Variants in SLC23A2 observed in about 807,000 individuals in gnomAD.
SLC23A2 encodes solute carrier family 23 member 2.
Under a neutral mutation model 73.3 loss-of-function variants are expected in SLC23A2, and 36 were observed. The ratio of observed to expected loss-of-function variants is 0.49; its 90% CI spans 0.38 to 0.65. SLC23A2 has a LOEUF of 0.65. SLC23A2 is among the 30% of genes least tolerant of loss of function. The pLI, the probability that SLC23A2 is intolerant of heterozygous loss-of-function variation, is 0.00. For missense variants in SLC23A2, 507 were observed against 841.6 expected (o/e 0.60, Z 4.92); for synonymous variants, 343 against 327.3 (o/e 1.05, Z -0.52).
At chr20:4,985,473 G>A (rs150422380) in intron 1 of SLC23A2, among the ~76,000 whole-genome samples, 5,647 of 150,808 alleles carry the variant, frequency 0.037, 344 homozygotes, top group African/African-American at 0.13. Context: ...TTTGAGACAG[G>A]GTCTCGCTCT....
At chr20:4,956,191 TTC>T (rs1320448198) in intron 2 of SLC23A2, among the ~76,000 whole-genome samples, 1 of 152,266 alleles carries the variant, frequency 6.6e-6, no homozygotes, top group Non-Finnish European at 1.5e-5. Flanking sequence ...AAATGTGTTT[TTC>T]TTTTAATTCC....
In SLC23A2 at chr20:4,986,689, C is replaced by CAGAG. The variant is rs5840061; in HGVS notation, c.-282+14713_-282+14716dup. ...ACACACACACACACACACACACACACAGAGATGAATATAAATAGAGAGAAG... is the reference window on the plus strand; with the variant it reads ...ACACACACACACACACACACACACACAGAGAGAGATGAATATAAATAGAGAGAAG... On this transcript the variant is annotated intron_variant, in intron 1 of 16. Coordinates refer to ENST00000338244, the MANE Select transcript of SLC23A2 (RefSeq NM_005116.6). Among the ~76,000 whole-genome samples, 216 of 129,854 alleles carry CAGAG rather than the reference C, an allele frequency of 1.7e-3. 3 individuals carry two copies. Among genetic ancestry groups the CAGAG allele is most frequent in the Middle Eastern group, 3.7e-3 (1 of 268 alleles). 85.2% of individuals were successfully genotyped at this position (129,854 alleles called of 152,430 possible).
At chr20:4,921,746 G>A in intron 3 of SLC23A2, among the ~76,000 whole-genome samples, 1 of 152,084 alleles carries the variant, frequency 6.6e-6, no homozygotes. Context: ...ATTTTCTGCA[G>A]TGAACTTATT....
chr20:4,913,966 C>T (rs1038028701), intron 3 of SLC23A2, among the ~76,000 whole-genome samples: 15 of 151,534 alleles, frequency 9.9e-5, no homozygotes, highest in African/African-American at 3.6e-4. Context: ...CAGAATACTA[C>T]AAGGGAAAAG....
chr20:5,000,778 C>A (rs75561676), intron 1 of SLC23A2, among the ~76,000 whole-genome samples: 4,933 of 151,990 alleles, frequency 0.032, 260 homozygotes, highest in African/African-American at 0.11. Context: ...TCATTTTTTC[C>A]CCCCGAAAGG....
intron 3 of SLC23A2, among the ~76,000 whole-genome samples, chr20:4,913,989 A>C (rs555639074): frequency 3.3e-5 from 5 of 152,146 alleles, no homozygotes; most frequent in African/African-American, 1.2e-4. Flanking sequence ...TTTTACACAG[A>C]GTAATATCAA....
chr20:4,941,479 G>C (rs1245213629), intron 2 of SLC23A2, among the ~76,000 whole-genome samples: 1 of 152,150 alleles, frequency 6.6e-6, no homozygotes, highest in East Asian at 1.9e-4. Context: ...AAGGTGGGCA[G>C]ATTACCTGAG....
intron 1 of SLC23A2, among the ~76,000 whole-genome samples, chr20:4,987,615 G>A (rs1043209647): frequency 2.6e-5 from 4 of 151,844 alleles, no homozygotes; most frequent in Non-Finnish European, 4.4e-5. Flanking sequence ...TTGGAAGGCC[G>A]AGGTGGGCAG....
chr20:4,962,769 C>A (rs981372847), intron 2 of SLC23A2, among the ~76,000 whole-genome samples: 2 of 105,142 alleles, frequency 1.9e-5, no homozygotes, highest in African/African-American at 3.7e-5. Context: ...GAGGTCGAGG[C>A]AATGGATCAC....
At chr20:4,911,785 A>G (rs1225190961) in intron 4 of SLC23A2, among the ~76,000 whole-genome samples, 2 of 152,152 alleles carry the variant, frequency 1.3e-5, no homozygotes, top group Non-Finnish European at 2.9e-5. Flanking sequence ...GGCAGATACA[A>G]AGAAAAAAAG....
upstream of SLC23A2, among the ~76,000 whole-genome samples, chr20:5,003,551 A>G (rs942771271): frequency 3.3e-5 from 5 of 151,560 alleles, no homozygotes; most frequent in African/African-American, 1.2e-4. Flanking sequence ...TTTGCTTAGC[A>G]AGGAATGTGG....
intron 3 of SLC23A2, 110 bp from the exon 4 acceptor site, chr20:4,913,088 G>T: frequency 1.3e-6 from 1 of 741,902 alleles, no homozygotes; most frequent in African/African-American, 1.7e-5. Flanking sequence ...TGGTTTTGAT[G>T]GAGAAACATA....
In SLC23A2 at chr20:4,887,745, G is replaced by C. The variant is rs542561087; in HGVS notation, c.483-1836C>G. On this transcript the variant is annotated intron_variant, in intron 6 of 16. Coordinates refer to ENST00000338244, the MANE Select transcript of SLC23A2 (RefSeq NM_005116.6). ...AAGTCTCCCGAGATGATCTGGAAAG[G>C]GCTGCTCATGCCAGCATTATGTGTT... 1.4e-4 allele frequency among the ~76,000 whole-genome samples: 21 copies of C among 152,278 alleles called. 1 individual carries two copies. The highest frequency in any genetic ancestry group is 1.2e-3 in the South Asian group (6 of 4,822).
At chr20:4,990,787 A>G (rs1306233762) in intron 1 of SLC23A2, among the ~76,000 whole-genome samples, 5 of 151,204 alleles carry the variant, frequency 3.3e-5, no homozygotes, top group African/African-American at 1.2e-4. Flanking sequence ...GTTCAAGACC[A>G]GCCTGACCAA....
At chr20:4,987,557 A>T (rs1233082346) in intron 1 of SLC23A2, among the ~76,000 whole-genome samples, 1 of 152,204 alleles carries the variant, frequency 6.6e-6, no homozygotes, top group African/African-American at 2.4e-5. Context: ...CGCTAAAAAA[A>T]ACACTATGTG....
rs145840314 is a variant in SLC23A2 at position 4,917,548 on chromosome 20, T to C, written c.109-4570A>G. On this transcript the variant is annotated intron_variant, in intron 3 of 16. Transcript: ENST00000338244. ...TAGGGGTGGAATGTTTGTAAGCCAA[T>C]TCAAAATGTGTTTGACCCACAGAAA... is the stretch of plus-strand genomic sequence containing the variant. 3.1e-3 allele frequency among the ~76,000 whole-genome samples: 477 copies of C among 152,262 alleles called. 1 individual carries two copies. Among genetic ancestry groups the C allele is most frequent in the African/African-American group, 0.011 (455 of 41,542 alleles).
chr20:4,899,713 C>T lies in SLC23A2; in HGVS notation c.325-1G>A. The T allele has an allele frequency of 1.2e-6, 2 of 1,614,024 alleles. No homozygotes were observed. The highest frequency in any genetic ancestry group is 1.7e-6 in the Non-Finnish European group (2 of 1,179,906). On this transcript the variant is annotated splice_acceptor_variant, in intron 5 of 16. Coordinates refer to ENST00000338244, the MANE Select transcript of SLC23A2 (RefSeq NM_005116.6). LOFTEE classifies it high-confidence loss of function. This position sits in a 1 kb window ranked among gnomAD's most constrained non-coding sequence, Gnocchi z 4.9. ...TGCCGCTGAAGCATGTCAGGTAGTG[C>T]TGTGGGCAGGAAAAGGGTCAGAGGA...
intron 1 of SLC23A2, among the ~76,000 whole-genome samples, chr20:5,000,386 T>C (rs1381550815): frequency 6.6e-6 from 1 of 152,118 alleles, no homozygotes; most frequent in Non-Finnish European, 1.5e-5. Flanking sequence ...GGAGGTCACA[T>C]GGCCAATTAG....
intron 6 of SLC23A2, among the ~76,000 whole-genome samples, chr20:4,889,730 C>T (rs190614309): frequency 4.6e-5 from 7 of 152,034 alleles, no homozygotes; most frequent in African/African-American, 1.4e-4. Context: ...GGGCATCCCC[C>T]GATACTAGGA....
Sources: allele counts gnomAD v4.1 joint callset (sites outside exome capture counted in the v4.1 genomes callset), GRCh38; gene constraint gnomAD v4.1.1; non-coding constraint Gnocchi (gnomAD v3.1); transcripts MANE v1.5; gene names NCBI Gene and HGNC (gene_info 2026-07-23, HGNC 2026-07-21).